Variants in GALNT18 observed in about 807,000 individuals in gnomAD.
GALNT18 encodes GalNAc-transferase 18.
A neutral mutation model predicts 69.5 loss-of-function variants in GALNT18; 44 were observed. The observed-to-expected ratio is 0.63, with a 90% CI of 0.50 to 0.81. The LOEUF (loss-of-function observed/expected upper bound fraction) is 0.81, where lower values mean the gene tolerates loss of function less well. Among genes scored for constraint, GALNT18 ranks in the 40% least tolerant of loss-of-function variants. GALNT18 has a pLI of 0.00. For missense variants in GALNT18, 715 were observed against 810.0 expected, an observed-to-expected ratio of 0.88 and a Z score of 1.42; for synonymous variants, 364 against 318.2, an observed-to-expected ratio of 1.14 and a Z score of -1.53.
chr11:11,357,667 G>A (rs1035756320), intron 6 of GALNT18, among the ~76,000 whole-genome samples: 12 of 152,136 alleles, frequency 7.9e-5, no homozygotes, highest in Non-Finnish European at 1.6e-4. Flanking sequence ...TTGGGACCAG[G>A]GCAAGTTCCT....
rs535766461 is a variant in GALNT18, at chr11:11,480,239, T to C, written c.236-31303A>G. 6.6e-6 allele frequency among the ~76,000 whole-genome samples: 1 copy of C among 152,194 alleles called. No homozygotes were observed. Among genetic ancestry groups the C allele is most frequent in the African/African-American group, 2.4e-5 (1 of 41,506 alleles). ...GTCAATCTTTCTTTATTTCTTTCTT[T>C]CTTCCTTCCTTCCTCTCTCTCTCTC... On this transcript the variant is annotated intron_variant, in intron 1 of 10. Transcript: ENST00000227756. This position sits in a 1 kb window ranked among gnomAD's most constrained non-coding sequence, Gnocchi z 4.6.
At chr11:11,491,771 C>T (rs112038507) in intron 1 of GALNT18, among the ~76,000 whole-genome samples, 20 of 152,256 alleles carry the variant, frequency 1.3e-4, no homozygotes, top group Middle Eastern at 3.4e-3. Context: ...ATGGACCAGG[C>T]CAAGTTGGCT....
rs1854341848 is a variant in GALNT18, at chr11:11,396,794, G to A, written c.596-17530C>T. On this transcript the variant is annotated intron_variant, in intron 3 of 10. Transcript: ENST00000227756. The surrounding 1 kb of genome is among the most constrained non-coding windows in gnomAD (Gnocchi z 5.2). ...GAGGGAGAGAGAGGCTGTATTTCTG[G>A]CCCGCACTGCAGCATCAGTGGGGAG... Among the ~76,000 whole-genome samples the A allele has an allele frequency of 6.6e-6, 1 of 152,130 alleles. No homozygotes were observed. Among genetic ancestry groups the A allele is most frequent in the Admixed American group, 6.5e-5 (1 of 15,274 alleles).
At chr11:11,503,286 A>C (rs1189521824) in intron 1 of GALNT18, among the ~76,000 whole-genome samples, 1 of 152,144 alleles carries the variant, frequency 6.6e-6, no homozygotes, top group Non-Finnish European at 1.5e-5. Context: ...TCTTGGATAC[A>C]TTATTTCACT....
At chr11:11,609,386 G>A (rs144967808) in intron 1 of GALNT18, among the ~76,000 whole-genome samples, 27 of 152,008 alleles carry the variant, frequency 1.8e-4, no homozygotes, top group Non-Finnish European at 2.8e-4. Context: ...TGTTCCCTCC[G>A]CCTGGCACTC....
At chr11:11,581,093 C>T (rs529965525) in intron 1 of GALNT18, among the ~76,000 whole-genome samples, 2 of 152,268 alleles carry the variant, frequency 1.3e-5, no homozygotes, top group South Asian at 4.1e-4. Flanking sequence ...GCTGGTGTCC[C>T]GAGAGAAGCC....
At chr11:11,417,469 A>G (rs1170939359) in intron 3 of GALNT18, among the ~76,000 whole-genome samples, 8 of 152,230 alleles carry the variant, frequency 5.3e-5, no homozygotes, top group African/African-American at 1.9e-4. Flanking sequence ...TCAATATGGC[A>G]GAAGCTGCAG....
intron 6 of GALNT18, among the ~76,000 whole-genome samples, chr11:11,355,910 TG>T (rs1174664945): frequency 1.3e-5 from 2 of 152,224 alleles, no homozygotes; most frequent in African/African-American, 4.8e-5. Context: ...ATGGTGTTCC[TG>T]GGCCATTTAC....
rs1296929640 is a variant in GALNT18, at chr11:11,341,795, A to G, written c.1093-791T>C. 1.3e-5 allele frequency among the ~76,000 whole-genome samples: 2 copies of G among 151,476 alleles called. No homozygotes were observed. Among genetic ancestry groups the G allele is most frequent in the Non-Finnish European group, 2.9e-5 (2 of 67,918 alleles). ...ATTTTAGAATGCCCCACTGCCCCCA[A>G]CTCCTTCTTCAGCTGAAAAAATTCA... is the stretch of plus-strand genomic sequence containing the variant. On this transcript the variant is annotated intron_variant, in intron 6 of 10. Transcript: ENST00000227756. The surrounding 1 kb of genome is among the most constrained non-coding windows in gnomAD (Gnocchi z 6.3).
At chr11:11,335,876 G>A (rs7480965) in intron 7 of GALNT18, among the ~76,000 whole-genome samples, 35,541 of 152,140 alleles carry the variant, frequency 0.23, 4,600 homozygotes, top group Admixed American at 0.39. Context: ...CGAGATGCTG[G>A]AGGGAGCACA....
In GALNT18 at chr11:11,602,311, C is replaced by A. The variant is rs1268702695; in HGVS notation, c.235+19048G>T. On this transcript the variant is annotated intron_variant, in intron 1 of 10. Coordinates refer to ENST00000227756, the MANE Select transcript of GALNT18 (RefSeq NM_198516.3). This position sits in a 1 kb window ranked among gnomAD's most constrained non-coding sequence, Gnocchi z 4.7. ...CAATCAGGGCCTAGTATTCTCAACA[C>A]AGGGTAAAGCTTCCACCCTGTAAGT... Among the ~76,000 whole-genome samples the A allele has an allele frequency of 2.0e-5, 3 of 152,158 alleles. No homozygotes were observed. Among genetic ancestry groups the A allele is most frequent in the African/African-American group, 7.2e-5 (3 of 41,454 alleles).
chr11:11,478,505 G>A (rs1049566037), intron 1 of GALNT18, among the ~76,000 whole-genome samples: 60 of 152,246 alleles, frequency 3.9e-4, no homozygotes, highest in African/African-American at 1.4e-3. Context: ...TGCCCCAAAC[G>A]GCAGCACCGA....
intron 9 of GALNT18, among the ~76,000 whole-genome samples, chr11:11,308,749 C>T (rs1055532515): frequency 1.3e-5 from 2 of 152,172 alleles, no homozygotes; most frequent in Non-Finnish European, 2.9e-5. Context: ...CCATGTTGTT[C>T]TTCTCACTTA....
intron 1 of GALNT18, among the ~76,000 whole-genome samples, chr11:11,559,225 T>C (rs1283628368): frequency 6.6e-6 from 1 of 152,078 alleles, no homozygotes; most frequent in Non-Finnish European, 1.5e-5. Flanking sequence ...TTCAATCCAA[T>C]AGTCACCTCC....
chr11:11,346,296 A>T (rs1167143554), intron 6 of GALNT18, among the ~76,000 whole-genome samples: 1 of 152,204 alleles, frequency 6.6e-6, no homozygotes. Flanking sequence ...CTTAGTCTAT[A>T]TTCAATAACT....
intron 3 of GALNT18, among the ~76,000 whole-genome samples, chr11:11,407,344 G>A (rs1346829285): frequency 6.6e-6 from 1 of 152,188 alleles, no homozygotes; most frequent in Non-Finnish European, 1.5e-5. Flanking sequence ...CCTCCAATCA[G>A]ATTAGCAAAC....
chr11:11,511,432 G>A lies in GALNT18; in HGVS notation c.236-62496C>T, dbSNP rs928281817. 2.0e-5 allele frequency among the ~76,000 whole-genome samples: 3 copies of A among 152,114 alleles called. No individual in the cohort carries two copies. The highest frequency in any genetic ancestry group is 7.2e-5 in the African/African-American group (3 of 41,426). The stretch of plus-strand genomic sequence containing the variant: ...TAGCCAGTCCCCTACAGCTAACAGA[G>A]CGACCCCATACATGTGATCCCCAGA... On this transcript the variant is annotated intron_variant, in intron 1 of 10. Transcript: ENST00000227756. The surrounding 1 kb of genome is among the most constrained non-coding windows in gnomAD (Gnocchi z 4.9).
intron 1 of GALNT18, among the ~76,000 whole-genome samples, chr11:11,548,411 C>G (rs1268973289): frequency 6.6e-6 from 1 of 152,184 alleles, no homozygotes; most frequent in Non-Finnish European, 1.5e-5. Flanking sequence ...TCAGAAGGCA[C>G]CAAGCACTAA....
At chr11:11,594,778 A>C (rs1399571416) in intron 1 of GALNT18, among the ~76,000 whole-genome samples, 2 of 147,526 alleles carry the variant, frequency 1.4e-5, no homozygotes, top group African/African-American at 2.5e-5. Context: ...ATTTGTGTAC[A>C]AGTTTTTGTG....
Sources: gnomAD v4.1 joint callset for allele counts (sites outside exome capture counted in the v4.1 genomes callset) on GRCh38, gnomAD v4.1.1 for gene constraint, Gnocchi (gnomAD v3.1) non-coding constraint, MANE v1.5 for transcripts, NCBI Gene and HGNC (gene_info 2026-07-23, HGNC 2026-07-21) for gene names.